The following FAM13C variants were observed in gnomAD, a reference collection of about 807,000 sequenced individuals.
FAM13C encodes protein FAM13C.
Under a neutral mutation model 73.2 loss-of-function variants are expected in FAM13C, and 37 were observed. The observed-to-expected ratio is 0.51, with a 90% CI of 0.39 to 0.67. FAM13C has a LOEUF of 0.67. Among genes scored for constraint, FAM13C ranks in the 30% least tolerant of loss-of-function variants. The pLI is 0.00. For synonymous variants in FAM13C, 246 were observed against 260.9 expected (o/e 0.94, Z 0.55); for missense variants, 589 against 715.6 (o/e 0.82, Z 2.02).
chr10:59,336,319 G>C (rs1488538117), intron 3 of FAM13C, among the ~76,000 whole-genome samples: 1 of 152,112 alleles, frequency 6.6e-6, no homozygotes, highest in Non-Finnish European at 1.5e-5. Flanking sequence ...TGTTTATAAG[G>C]AGCATCCTGA....
rs1044293423 is a variant in FAM13C at position 59,269,931 on chromosome 10, G to A, written c.771C>T (p.Ala257=). Reference sequence around the variant, plus strand: ...ACTGCTGAGTGCTGGGTGGAGATGGGGCTGACTCGGGGTCTAAGTTGAATC... The same window carrying A: ...ACTGCTGAGTGCTGGGTGGAGATGGAGCTGACTCGGGGTCTAAGTTGAATC... The part of the protein sequence containing the change: ...SQRFNLDPES[A]PSPPSTQQFM... The change falls in exon 7 of 14, where the codon GCC becomes GCT. Residue 257 remains alanine, a synonymous_variant. Coordinates refer to ENST00000618804, the MANE Select transcript of FAM13C (RefSeq NM_198215.4). 6.2e-7 allele frequency: 1 copy of A among 1,613,858 alleles called. No individual in the cohort carries two copies. The highest frequency in any genetic ancestry group is 1.7e-5 in the Admixed American group (1 of 59,984).
At chr10:59,330,641 A>G (rs1263706887) in intron 3 of FAM13C, among the ~76,000 whole-genome samples, 1 of 152,136 alleles carries the variant, frequency 6.6e-6, no homozygotes, top group Non-Finnish European at 1.5e-5. Context: ...AGCTGCCTTG[A>G]GTATTTTGAC....
intron 5 of FAM13C, among the ~76,000 whole-genome samples, chr10:59,289,845 C>A (rs1846019997): frequency 6.6e-6 from 1 of 152,100 alleles, no homozygotes; most frequent in African/African-American, 2.4e-5. Context: ...TCAACCCAGC[C>A]CTCTCTGATA....
At chr10:59,266,168 A>T (rs1843039433) in intron 8 of FAM13C, among the ~76,000 whole-genome samples, 1 of 152,200 alleles carries the variant, frequency 6.6e-6, no homozygotes. Context: ...CAGTTGTCAG[A>T]TAAGACAAAA....
chr10:59,255,381 C>A (rs1215943802), intron 10 of FAM13C, among the ~76,000 whole-genome samples: 1 of 152,138 alleles, frequency 6.6e-6, no homozygotes, highest in Non-Finnish European at 1.5e-5. Flanking sequence ...TTCAATGGAT[C>A]ACACTGTGCA....
Position 59,340,233 on chromosome 10 carries a change from T to A in FAM13C, c.324+12037A>T, listed in dbSNP as rs549777961. 7.1e-3 allele frequency among the ~76,000 whole-genome samples: 1,074 copies of A among 152,252 alleles called. 10 individuals are homozygous for A. The highest frequency in any genetic ancestry group is 0.024 in the African/African-American group (1,015 of 41,524). ...TTTCTGATTAAAAAAAAATTTTTTT[T>A]AAAAAGAGTCTGCTAAGAGTTTTAT... On this transcript the variant is annotated intron_variant, in intron 3 of 13. Coordinates refer to ENST00000618804, the MANE Select transcript of FAM13C (RefSeq NM_198215.4).
At chr10:59,293,022 A>T (rs1019220635) in intron 5 of FAM13C, among the ~76,000 whole-genome samples, 1 of 150,630 alleles carries the variant, frequency 6.6e-6, no homozygotes, top group Non-Finnish European at 1.5e-5. Context: ...AGCATCTAGT[A>T]ACCACTATTC....
chr10:59,346,228 T>C (rs1868751), intron 3 of FAM13C, among the ~76,000 whole-genome samples: 24,355 of 152,168 alleles, frequency 0.16, 2,222 homozygotes, highest in East Asian at 0.32. Context: ...CAGAATTAAC[T>C]ATTGTCCTTA....
chr10:59,326,012 C>A lies in FAM13C; in HGVS notation c.325-1906G>T, dbSNP rs150815769. On this transcript the variant is annotated intron_variant, in intron 3 of 13. Transcript: ENST00000618804. ...ATCAAAAATGCCCATTTTATTAAAA[C>A]CTTATCCTTTTAGGAAAGAGTACTG... Among the ~76,000 whole-genome samples, 64 of 151,998 alleles carry A rather than the reference C, an allele frequency of 4.2e-4. No homozygotes were observed. The East Asian group carries it at 0.012, about 29-fold the overall frequency.
chr10:59,361,240 G>T, intron 1 of FAM13C: 1 of 479,900 alleles, frequency 2.1e-6, no homozygotes, highest in Non-Finnish European at 3.4e-6. Context: ...CTCCACTTAA[G>T]TCTGCTCAAA....
chr10:59,261,357 A>C (rs749386847), intron 10 of FAM13C, among the ~76,000 whole-genome samples: 1 of 152,130 alleles, frequency 6.6e-6, no homozygotes, highest in Non-Finnish European at 1.5e-5. Flanking sequence ...TCCTTATGTA[A>C]ATGACTAATC....
intron 3 of FAM13C, among the ~76,000 whole-genome samples, chr10:59,350,806 C>T (rs2134248870): frequency 6.6e-6 from 1 of 152,300 alleles, no homozygotes. Flanking sequence ...TCTCCTGATG[C>T]ATGTTTGCTA....
intron 4 of FAM13C, chr10:59,323,192 A>G (rs1191619102): frequency 6.6e-6 from 1 of 152,332 alleles, no homozygotes; most frequent in Non-Finnish European, 1.5e-5. Context: ...TACACTGTAC[A>G]CAAGATCCTA....
chr10:59,349,849 C>T (rs1194975419), intron 3 of FAM13C, among the ~76,000 whole-genome samples: 18 of 152,048 alleles, frequency 1.2e-4, no homozygotes, highest in Admixed American at 1.2e-3. Context: ...TTTTATTGTT[C>T]TATTTTTGAA....
intron 3 of FAM13C, 125 bp from the exon 4 acceptor site, chr10:59,324,231 T>A (rs1015934540): frequency 6.9e-6 from 5 of 723,328 alleles, no homozygotes; most frequent in Non-Finnish European, 1.1e-5. Flanking sequence ...CTGATTGTAG[T>A]GTGGGAAGGG....
chr10:59,270,567 G>A (rs1426592101), intron 6 of FAM13C, among the ~76,000 whole-genome samples: 2 of 152,054 alleles, frequency 1.3e-5, no homozygotes, highest in East Asian at 3.9e-4. Context: ...AAAAACAAGA[G>A]GAAGAGAGGG....
intron 13 of FAM13C, among the ~76,000 whole-genome samples, chr10:59,248,418 T>A (rs996631537): frequency 6.6e-6 from 1 of 152,180 alleles, no homozygotes; most frequent in East Asian, 1.9e-4. Context: ...CAGCATACTC[T>A]TGCTGTTTAC....
intron 5 of FAM13C, among the ~76,000 whole-genome samples, chr10:59,288,623 C>A (rs1320340165): frequency 6.6e-6 from 1 of 152,058 alleles, no homozygotes; most frequent in Non-Finnish European, 1.5e-5. Context: ...CCTTCTTCAG[C>A]TATTAGATAG....
At chr10:59,337,421 TAG>T (rs1354887715) in intron 3 of FAM13C, among the ~76,000 whole-genome samples, 2 of 152,192 alleles carry the variant, frequency 1.3e-5, no homozygotes, top group Non-Finnish European at 2.9e-5. Context: ...GCATGTGCAC[TAG>T]AGTTTAGCTG....
Sources: allele counts gnomAD v4.1 joint callset (sites outside exome capture counted in the v4.1 genomes callset), GRCh38; gene constraint gnomAD v4.1.1; transcripts MANE v1.5; gene names NCBI Gene and HGNC (gene_info 2026-07-23, HGNC 2026-07-21).